The following RALGAPA2 variants were observed in gnomAD, a reference collection of about 807,000 sequenced individuals.
RALGAPA2 encodes the protein ral GTPase-activating protein subunit alpha-2.
A neutral mutation model predicts 230.4 loss-of-function variants in RALGAPA2; 139 were observed. That is an observed-to-expected ratio of 0.60 (90% CI 0.53 to 0.69). The LOEUF (loss-of-function observed/expected upper bound fraction) is 0.69, where lower values mean the gene tolerates loss of function less well. RALGAPA2 is among the 30% of genes least tolerant of loss of function. RALGAPA2 has a pLI of 0.00. For synonymous variants in RALGAPA2, 847 were observed against 837.8 expected, an observed-to-expected ratio of 1.01 and a Z score of -0.19; for missense variants, 2,163 against 2,276.0, an observed-to-expected ratio of 0.95 and a Z score of 1.01.
chr20:20,639,798 T>A lies in RALGAPA2; in HGVS notation c.653A>T (p.Tyr218Phe), dbSNP rs1265158284. 6.2e-7 allele frequency: 1 copy of A among 1,607,248 alleles called. No individual in the cohort carries two copies. Residue 218 changes from tyrosine to phenylalanine, a missense_variant, in exon 7 of 40, where the codon TAT becomes TTT. Transcript: ENST00000202677. ...TCFFLQILLK[Y>F]MVIQAASLEW... ...TTTTTCTCTGACCTGAATAACCATA[T>A]ACTTCAACAGTATTTGAAGAAAAAA...
In RALGAPA2 at chr20:20,505,418, C is replaced by A; in HGVS notation, c.5045G>T (p.Gly1682Val). 6.3e-7 allele frequency: 1 copy of A among 1,598,598 alleles called. No individual in the cohort carries two copies. The highest frequency in any genetic ancestry group is 8.5e-7 in the Non-Finnish European group (1 of 1,172,240). The change falls in exon 34 of 40, where the codon GGA becomes GTA. Residue 1682 changes from glycine to valine, a missense_variant. Coordinates refer to ENST00000202677, the MANE Select transcript of RALGAPA2 (RefSeq NM_020343.4). Reference protein sequence around the residue: ...QAYEDFVAGLGWEVDLSTHCG... With the variant: ...QAYEDFVAGLVWEVDLSTHCG... Reference sequence around the variant, plus strand: ...CTGAATGAAATGCATTACCTCCCATCCAAGTCCAGCAACAAAGTCTTCATA... The same window carrying A: ...CTGAATGAAATGCATTACCTCCCATACAAGTCCAGCAACAAAGTCTTCATA...
rs776843611 is a variant in RALGAPA2 at position 20,601,714 on chromosome 20, T to C, written c.2171A>G (p.Lys724Arg). The C allele has an allele frequency of 1.9e-6, 3 of 1,613,508 alleles. No homozygotes were observed. Among genetic ancestry groups the C allele is most frequent in the Non-Finnish European group, 2.5e-6 (3 of 1,179,626 alleles). The change falls in exon 16 of 40, where the codon AAG (lysine) becomes AGG (arginine). Residue 724 changes from lysine to arginine, a missense_variant. Transcript: ENST00000202677. ...ATTSGAPGVE[K>R]ARNIVRQKAT... ...TTTTTGGCGAACAATATTTCTTGCC[T>C]TTTCCACTCCCGGTGCTCCAGACGT... is the stretch of plus-strand genomic sequence containing the variant.
chr20:20,638,972 G>C (rs773173306), intron 7 of RALGAPA2, among the ~76,000 whole-genome samples: 24 of 152,196 alleles, frequency 1.6e-4, no homozygotes, highest in Admixed American at 1.3e-4. Context: ...ATCAGAAGAG[G>C]AGAGAATCTC....
At chr20:20,502,603 T>C (rs1007241148) in intron 35 of RALGAPA2, among the ~76,000 whole-genome samples, 2 of 152,190 alleles carry the variant, frequency 1.3e-5, no homozygotes, top group Admixed American at 1.3e-4. Flanking sequence ...ACCACCACAG[T>C]AGACTCCCCA....
intron 37 of RALGAPA2, chr20:20,470,971 A>G: frequency 1.3e-5 from 2 of 152,344 alleles, no homozygotes; most frequent in Middle Eastern, 6.8e-3. Flanking sequence ...AATACCAATT[A>G]AATTTTCTCC....
At chr20:20,677,624 G>A (rs1327665823) in intron 2 of RALGAPA2, among the ~76,000 whole-genome samples, 1 of 121,938 alleles carries the variant, frequency 8.2e-6, no homozygotes, top group African/African-American at 3.3e-5. Context: ...ATCATGATTT[G>A]ACCCATTTTT....
At chr20:20,410,867 AC>A (rs2060045320) in intron 38 of RALGAPA2, among the ~76,000 whole-genome samples, 1 of 152,062 alleles carries the variant, frequency 6.6e-6, no homozygotes, top group Non-Finnish European at 1.5e-5. Context: ...CTGCTCCTGC[AC>A]CTCTGCCAGC....
chr20:20,551,711 T>C (rs369195310), intron 23 of RALGAPA2, among the ~76,000 whole-genome samples: 1 of 152,208 alleles, frequency 6.6e-6, no homozygotes, highest in African/African-American at 2.4e-5. Context: ...GGAAAAACCA[T>C]AAGTGATAAG....
intron 30 of RALGAPA2, among the ~76,000 whole-genome samples, chr20:20,523,955 G>C: frequency 6.6e-6 from 1 of 152,004 alleles, no homozygotes; most frequent in East Asian, 1.9e-4. Flanking sequence ...CAGTCCTTAA[G>C]TTATTTACTT....
chr20:20,423,687 TA>T, intron 37 of RALGAPA2, among the ~76,000 whole-genome samples: 1 of 152,220 alleles, frequency 6.6e-6, no homozygotes, highest in East Asian at 1.9e-4. Context: ...TCTTTCAATA[TA>T]ATGTAAATTT....
At chr20:20,643,480 A>C in intron 5 of RALGAPA2, 26 bp downstream of exon 5, 1 of 1,457,734 alleles carries the variant, frequency 6.9e-7, no homozygotes, top group South Asian at 1.3e-5. Flanking sequence ...GTAATAAAAA[A>C]TGTCATTACA....
rs373034061 is a variant in RALGAPA2 at position 20,537,619 on chromosome 20, C to CAAA, written c.3286-838_3286-836dup. On this transcript the variant is annotated intron_variant, in intron 24 of 39. Coordinates refer to ENST00000202677, the MANE Select transcript of RALGAPA2 (RefSeq NM_020343.4). Reference sequence around the variant, plus strand: ...TAGGCAACAGAGTGAGACTCCATCTCAAAAAAAAAAAAAAAAAAAAAGGCA... The same window carrying CAAA: ...TAGGCAACAGAGTGAGACTCCATCTCAAAAAAAAAAAAAAAAAAAAAAAAGGCA... 5.4e-4 allele frequency among the ~76,000 whole-genome samples: 22 copies of CAAA among 41,076 alleles called. No individual in the cohort carries two copies. In the East Asian group the frequency reaches 0.01, roughly 19 times the overall value. The allele number at this position is 41,076 out of a possible 152,430, so 26.9% of individuals were successfully genotyped here. A position where few individuals can be genotyped will look rare whatever the true frequency, so the allele number is the denominator to read the frequency against.
intron 37 of RALGAPA2, among the ~76,000 whole-genome samples, chr20:20,438,448 C>T (rs1412554699): frequency 1.3e-5 from 2 of 152,208 alleles, no homozygotes; most frequent in African/African-American, 2.4e-5. Context: ...AAGTGCAAGA[C>T]ATCCATGGCA....
At chr20:20,648,278 C>G (rs577037855) in intron 4 of RALGAPA2, among the ~76,000 whole-genome samples, 1 of 152,066 alleles carries the variant, frequency 6.6e-6, no homozygotes, top group African/African-American at 2.4e-5. Context: ...ATGTAAGACT[C>G]TAGAAAACGC....
At chr20:20,692,357 T>C (rs1489486925) in intron 1 of RALGAPA2, among the ~76,000 whole-genome samples, 1 of 152,238 alleles carries the variant, frequency 6.6e-6, no homozygotes, top group Non-Finnish European at 1.5e-5. Flanking sequence ...GCATTCTTCA[T>C]AGTATTTTAA....
chr20:20,576,570 A>T (rs1201226330), intron 20 of RALGAPA2, among the ~76,000 whole-genome samples: 1 of 151,932 alleles, frequency 6.6e-6, no homozygotes, highest in Non-Finnish European at 1.5e-5. Flanking sequence ...TTATTGCTTT[A>T]TTTAGAATTT....
intron 31 of RALGAPA2, among the ~76,000 whole-genome samples, chr20:20,519,065 C>T (rs1362773630): frequency 6.6e-6 from 1 of 152,094 alleles, no homozygotes; most frequent in Non-Finnish European, 1.5e-5. Context: ...GAACCATGTA[C>T]CATCCACCAC....
At chr20:20,560,263 A>G (rs2064217720) in intron 23 of RALGAPA2, among the ~76,000 whole-genome samples, 1 of 152,244 alleles carries the variant, frequency 6.6e-6, no homozygotes, top group African/African-American at 2.4e-5. Context: ...TCCAGCACAC[A>G]GGAAAATGGT....
intron 37 of RALGAPA2, among the ~76,000 whole-genome samples, chr20:20,444,458 GCA>G (rs2060814680): frequency 6.6e-6 from 1 of 151,652 alleles, no homozygotes; most frequent in Non-Finnish European, 1.5e-5. Context: ...ATACACACAC[GCA>G]CAGACACACA....
Sources: gnomAD v4.1 joint callset for allele counts (sites outside exome capture counted in the v4.1 genomes callset) on GRCh38, gnomAD v4.1.1 for gene constraint, MANE v1.5 for transcripts, NCBI Gene and HGNC (gene_info 2026-07-23, HGNC 2026-07-21) for gene names.